The following OXNAD1 variants were observed in gnomAD, a reference collection of about 807,000 sequenced individuals.
OXNAD1 encodes the protein oxidoreductase NAD binding domain containing 1, also known as oxidoreductase NAD-binding domain-containing protein 1.
In OXNAD1, 34 loss-of-function variants were observed where a neutral mutation model predicts 32.9. The observed-to-expected ratio is 1.03, with a 90% CI of 0.79 to 1.38. The LOEUF (loss-of-function observed/expected upper bound fraction) is 1.38. Among genes scored for constraint, OXNAD1 ranks in the 40% most tolerant of loss-of-function variants. OXNAD1 has a pLI of 0.00. For synonymous variants in OXNAD1, 134 were observed against 135.2 expected (o/e 0.99, Z 0.06); for missense variants, 407 against 379.4 (o/e 1.07, Z -0.60).
intron 2 of OXNAD1, among the ~76,000 whole-genome samples, chr3:16,269,966 A>G (rs1324880672): frequency 1.3e-5 from 2 of 152,224 alleles, no homozygotes; most frequent in Non-Finnish European, 2.9e-5. Flanking sequence ...GGAACCAAAA[A>G]GAAATATCAT....
At chr3:16,309,637 G>T, downstream of OXNAD1, among the ~76,000 whole-genome samples, 1 of 150,858 alleles carries the variant, frequency 6.6e-6, no homozygotes. Context: ...GACTATAGAA[G>T]CCCAGAGAGA....
intron 4 of OXNAD1, among the ~76,000 whole-genome samples, chr3:16,285,712 T>A (rs113231022): frequency 0.031 from 4,770 of 152,270 alleles, 106 homozygotes; most frequent in Middle Eastern, 0.082. Flanking sequence ...AAGATTGTGA[T>A]CTGTTTCCAT....
downstream of OXNAD1, among the ~76,000 whole-genome samples, chr3:16,309,124 T>C (rs1291735159): frequency 2.0e-5 from 3 of 152,248 alleles, no homozygotes; most frequent in Non-Finnish European, 2.9e-5. Flanking sequence ...TGGGTACCTA[T>C]ACAACTATGT....
intron 4 of OXNAD1, among the ~76,000 whole-genome samples, chr3:16,273,609 G>C (rs2065116832): frequency 6.6e-6 from 1 of 152,060 alleles, no homozygotes; most frequent in African/African-American, 2.4e-5. Context: ...GGCTGGTCTT[G>C]AACTCCTGGC....
At chr3:16,332,375 A>G (rs994462323) in intron 9 of OXNAD1, among the ~76,000 whole-genome samples, 2 of 148,238 alleles carry the variant, frequency 1.3e-5, no homozygotes, top group African/African-American at 2.5e-5. Context: ...CTGCTGCCCT[A>G]TTTTTAAGAT....
At chr3:16,306,491 G>A (rs2067568608), downstream of OXNAD1, among the ~76,000 whole-genome samples, 1 of 152,174 alleles carries the variant, frequency 6.6e-6, no homozygotes, top group Admixed American at 6.5e-5. Flanking sequence ...AGACCCTTCT[G>A]TGTTGTTTCC....
At chr3:16,325,416 T>G (rs1292995026) in intron 9 of OXNAD1, among the ~76,000 whole-genome samples, 1 of 152,228 alleles carries the variant, frequency 6.6e-6, no homozygotes, top group Non-Finnish European at 1.5e-5. Flanking sequence ...GAGACCTGTC[T>G]GTAGCCCCTG....
chr3:16,308,607 C>G (rs2067737456), downstream of OXNAD1, among the ~76,000 whole-genome samples: 1 of 152,164 alleles, frequency 6.6e-6, no homozygotes, highest in Admixed American at 6.5e-5. This position sits in a 1 kb window ranked among gnomAD's most constrained non-coding sequence, Gnocchi z 4.4. Flanking sequence ...AGTGAGATGT[C>G]TGGTCTTTAA....
At chr3:16,285,625 G>C (rs947371514) in intron 4 of OXNAD1, among the ~76,000 whole-genome samples, 2 of 152,190 alleles carry the variant, frequency 1.3e-5, no homozygotes, top group Admixed American at 6.5e-5. Context: ...CCTATTCAAG[G>C]CTTTCCAGAA....
In OXNAD1 at chr3:16,322,290, C is replaced by T. The variant is rs1047584190; in HGVS notation, c.*31-14822C>T. Among the ~76,000 whole-genome samples the T allele has an allele frequency of 7.2e-5, 11 of 152,238 alleles. No homozygotes were observed. Among genetic ancestry groups the T allele is most frequent in the African/African-American group, 2.7e-4 (11 of 41,460 alleles). On this transcript the variant is annotated intron_variant, in intron 9 of 9. Transcript: ENST00000435829. The surrounding 1 kb of genome is among the most constrained non-coding windows in gnomAD (Gnocchi z 6.2). ...CTCCACACTCCAGCCCATCTGGCTTCAAGTCACCATTGCTTTGGCACTCCT... is the reference window on the plus strand; with the variant it reads ...CTCCACACTCCAGCCCATCTGGCTTTAAGTCACCATTGCTTTGGCACTCCT...
At chr3:16,309,830 T>A (rs1255459424), downstream of OXNAD1, among the ~76,000 whole-genome samples, 1 of 152,248 alleles carries the variant, frequency 6.6e-6, no homozygotes, top group African/African-American at 2.4e-5. Context: ...AATTTAAAAT[T>A]GCTTTCAGCT....
intron 5 of OXNAD1, among the ~76,000 whole-genome samples, chr3:16,292,700 A>G (rs556426181): frequency 1.3e-5 from 2 of 152,196 alleles, no homozygotes; most frequent in Non-Finnish European, 2.9e-5. Context: ...TAATTTTTGT[A>G]TATGTTGTGA....
rs376613094 is a variant in OXNAD1 at position 16,301,710 on chromosome 3, G to C, written c.517G>C (p.Val173Leu). 20 of 1,614,012 alleles carry C rather than the reference G, an allele frequency of 1.2e-5. No individual in the cohort carries two copies. The highest frequency in any genetic ancestry group is 2.2e-5 in the East Asian group (1 of 44,832). ...PQPADASRNL[V>L]LIAGGVGINP... ...GCCTGCGGATGCCTCTAGAAACCTC[G>C]TGTTGATTGCAGGAGGAGTCGGAAT... is the stretch of plus-strand genomic sequence containing the variant. The change falls in exon 7 of 9, where the codon GTG (valine) becomes CTG (leucine). Residue 173 changes from valine to leucine, a missense_variant. By Grantham distance (32) the Val-to-Leu change is conservative. Coordinates refer to ENST00000285083, the MANE Select transcript of OXNAD1 (RefSeq NM_138381.5). The surrounding 1 kb of genome is among the most constrained non-coding windows in gnomAD (Gnocchi z 4.1).
In OXNAD1 at chr3:16,270,304, C is replaced by A. The variant is rs540559728; in HGVS notation, c.-8-641C>A. 3.2e-4 allele frequency among the ~76,000 whole-genome samples: 49 copies of A among 152,290 alleles called. 1 individual carries two copies. In the South Asian group the frequency reaches 3.9e-3, roughly 12 times the overall value. On this transcript the variant is annotated intron_variant, in intron 2 of 8. Coordinates refer to ENST00000285083, the MANE Select transcript of OXNAD1 (RefSeq NM_138381.5). ...CTGTTCTTTGGGGTCTGGCTTCTTT[C>A]ATTCAGTATGTTATTTGTGGTAATT...
downstream of OXNAD1, among the ~76,000 whole-genome samples, chr3:16,350,746 G>C (rs2072043730): frequency 6.6e-6 from 1 of 152,100 alleles, no homozygotes; most frequent in Non-Finnish European, 1.5e-5. Flanking sequence ...TCATGGGAGT[G>C]ATTATTCACA....
chr3:16,273,105 A>G (rs1446997859), intron 4 of OXNAD1, among the ~76,000 whole-genome samples: 1 of 152,228 alleles, frequency 6.6e-6, no homozygotes, highest in Non-Finnish European at 1.5e-5. Context: ...TAGTCCCTGA[A>G]TTAGAGTATT....
Position 16,270,981 on chromosome 3 carries a change from G to A in OXNAD1, c.29G>A (p.Gly10Glu), listed in dbSNP as rs780683377. Residue 10 changes from glycine (G) to glutamate (E), a missense_variant, in exon 3 of 9, where the codon GGG becomes GAG. Physicochemically the swap from Gly to Glu is moderately conservative, Grantham distance 98. Transcript: ENST00000285083. MACAAVMIP[G>E]LLRCSVGAIR... ...GCCTGTGCTGCTGTTATGATTCCTG[G>A]GTTGTTGCGGTGCTCTGTTGGAGCC... 2.5e-6 allele frequency: 4 copies of A among 1,614,018 alleles called. No homozygotes were observed. The highest frequency in any genetic ancestry group is 1.7e-5 in the Admixed American group (1 of 60,004).
At position 16,284,671 on chromosome 3, in the gene OXNAD1, G is replaced by A. The variant is rs2065956678; in HGVS notation, c.184-1671G>A. ...GTTCTGTGGGCCAGCAGCATTGTAAGTACTTTTGTCAGTATTATCTCATTT... is the reference window on the plus strand; with the variant it reads ...GTTCTGTGGGCCAGCAGCATTGTAAATACTTTTGTCAGTATTATCTCATTT... On this transcript the variant is annotated intron_variant, in intron 4 of 8. Transcript: ENST00000285083. This position sits in a 1 kb window ranked among gnomAD's most constrained non-coding sequence, Gnocchi z 4.1. Among the ~76,000 whole-genome samples, 1 of 152,186 alleles carries A rather than the reference G, an allele frequency of 6.6e-6. No individual in the cohort carries two copies. Among genetic ancestry groups the A allele is most frequent in the South Asian group, 2.1e-4 (1 of 4,832 alleles).
chr3:16,326,671 G>T, intron 9 of OXNAD1: 1 of 855,326 alleles, frequency 1.2e-6, no homozygotes, highest in East Asian at 2.8e-5. Flanking sequence ...CCAGCCTCTT[G>T]CACAGGATTA....
Sources: allele counts gnomAD v4.1 joint callset (sites outside exome capture counted in the v4.1 genomes callset), GRCh38; gene constraint gnomAD v4.1.1; non-coding constraint Gnocchi (gnomAD v3.1); transcripts MANE v1.5; gene names NCBI Gene and HGNC (gene_info 2026-07-23, HGNC 2026-07-21).